PLEKHM1: variants seen among roughly 807,000 people sequenced by gnomAD.
PLEKHM1 encodes pleckstrin homology domain-containing family M member 1.
PLEKHM1 carries 28 observed loss-of-function variants against 94.3 expected under a neutral mutation model. The ratio of observed to expected loss-of-function variants is 0.30; its 90% CI spans 0.22 to 0.41. The LOEUF (loss-of-function observed/expected upper bound fraction) is 0.41, where lower values mean the gene tolerates loss of function less well. Ranked by LOEUF, PLEKHM1 falls within the 10% of genes least tolerant of loss-of-function variation. The pLI is 1.00. For synonymous variants in PLEKHM1, 424 were observed against 581.2 expected (o/e 0.73, Z 3.89); for missense variants, 907 against 1,358.6 (o/e 0.67, Z 5.22).
At chr17:45,456,304 G>T (rs1421703739) in intron 6 of PLEKHM1, 3 of 152,224 alleles carry the variant, frequency 2.0e-5, no homozygotes, top group Non-Finnish European at 4.4e-5. Context: ...ACACTGCTTT[G>T]CTGCCTGCTA....
rs746891348 is a variant in PLEKHM1, at chr17:45,437,983, A to G, written c.3060-14T>C. 1 of 1,604,010 alleles carries G rather than the reference A, an allele frequency of 6.2e-7. No individual in the cohort carries two copies. The highest frequency in any genetic ancestry group is 2.2e-5 in the East Asian group (1 of 44,844). ...CACTCGGCACACCTGGGGAGAGAGC[A>G]GTAGGCCTGCTGGTGCCGGCTGGGC... On this transcript the variant is annotated splice_polypyrimidine_tract_variant and intron_variant, in intron 11 of 11. Transcript: ENST00000430334. This position sits in a 1 kb window ranked among gnomAD's most constrained non-coding sequence, Gnocchi z 4.0.
At chr17:45,478,537 T>G (rs1168288109) in intron 2 of PLEKHM1, among the ~76,000 whole-genome samples, 2 of 152,074 alleles carry the variant, frequency 1.3e-5, no homozygotes, top group Non-Finnish European at 2.9e-5. Context: ...AGGGTGGGGC[T>G]TCCCACCTTT....
rs144496525 is a variant in PLEKHM1, at chr17:45,445,566, C to A, written c.2741G>T (p.Arg914Leu). The A allele has an allele frequency of 1.9e-6, 3 of 1,613,762 alleles. No homozygotes were observed. The African/African-American group carries it at 4.0e-5, about 22-fold the overall frequency. The stretch of plus-strand genomic sequence containing the variant: ...CCGTCTCCTCCCAATGAGGTGCATC[C>A]GCTCCACATGCTCGTACAGAGACGC... ...VNASLYEHVE[R>L]MHLIGRRREQ... Residue 914 changes from arginine (R) to leucine (L), a missense_variant, in exon 9 of 12, where the codon CGG (arginine) becomes CTG (leucine). Coordinates refer to ENST00000430334, the MANE Select transcript of PLEKHM1 (RefSeq NM_014798.3). The surrounding 1 kb of genome is among the most constrained non-coding windows in gnomAD (Gnocchi z 4.2).
chr17:45,480,597 C>G (rs1321713690), intron 2 of PLEKHM1, among the ~76,000 whole-genome samples: 1 of 152,206 alleles, frequency 6.6e-6, no homozygotes, highest in Admixed American at 6.5e-5. Context: ...AAGGGGAATA[C>G]GAAGTGAATG....
chr17:45,463,750 C>G (rs2051230584), intron 5 of PLEKHM1: 1 of 152,440 alleles, frequency 6.6e-6, no homozygotes, highest in African/African-American at 2.4e-5. Flanking sequence ...GGGTCCATGT[C>G]TGGCCAGCAC....
At chr17:45,479,773 A>T (rs922175134) in intron 2 of PLEKHM1, among the ~76,000 whole-genome samples, 2 of 152,234 alleles carry the variant, frequency 1.3e-5, no homozygotes, top group Non-Finnish European at 2.9e-5. Flanking sequence ...TGTTTTATTC[A>T]TCCTTGTGTC....
Position 45,437,090 on chromosome 17 carries a change from CCTT to C in PLEKHM1, c.*765_*767del, listed in dbSNP as rs1374697489. On this transcript the variant is annotated 3_prime_UTR_variant, in exon 12 of 12. Coordinates refer to ENST00000430334, the MANE Select transcript of PLEKHM1 (RefSeq NM_014798.3). The surrounding 1 kb of genome is among the most constrained non-coding windows in gnomAD (Gnocchi z 4.0). Reference sequence around the variant, plus strand: ...ACAGTGCTGGTTTCCAGTCATTTCTCCTTCTCCTAATGGGGCCAAGGCCCCAGG... The same window carrying C: ...ACAGTGCTGGTTTCCAGTCATTTCTCCTCCTAATGGGGCCAAGGCCCCAGG... 8.8e-6 allele frequency: 4 copies of C among 454,394 alleles called. No individual in the cohort carries two copies. Among genetic ancestry groups the C allele is most frequent in the Non-Finnish European group, 1.8e-5 (4 of 226,798 alleles). 28.1% of individuals were successfully genotyped at this position (454,394 alleles called of 1,614,324 possible).
intron 4 of PLEKHM1, among the ~76,000 whole-genome samples, chr17:45,471,134 G>A (rs2051497996): frequency 6.6e-6 from 1 of 151,948 alleles, no homozygotes; most frequent in African/African-American, 2.4e-5. Flanking sequence ...ATGGGCAAAC[G>A]ATCTGAACAG....
intron 5 of PLEKHM1, among the ~76,000 whole-genome samples, chr17:45,467,693 G>A (rs1445014294): frequency 4.6e-5 from 7 of 152,116 alleles, no homozygotes; most frequent in Middle Eastern, 3.2e-3. Context: ...CCCAGGAGGC[G>A]AAGGTGGCAG....
intron 11 of PLEKHM1, among the ~76,000 whole-genome samples, chr17:45,439,141 C>G (rs904790102): frequency 6.6e-6 from 1 of 152,228 alleles, no homozygotes; most frequent in African/African-American, 2.4e-5. Context: ...GGTGGTAACT[C>G]ATACAACCCT....
chr17:45,464,893 A>C (rs1377940633), intron 5 of PLEKHM1, among the ~76,000 whole-genome samples: 1 of 152,070 alleles, frequency 6.6e-6, no homozygotes, highest in East Asian at 1.9e-4. Context: ...TAAGTTTCAC[A>C]TTTGTCTCCT....
Position 45,468,210 on chromosome 17 carries a change from G to A in PLEKHM1, c.1307C>T (p.Pro436Leu), listed in dbSNP as rs368106092. The A allele has an allele frequency of 2.0e-5, 33 of 1,612,686 alleles. No homozygotes were observed. The highest frequency in any genetic ancestry group is 4.0e-5 in the African/African-American group (3 of 74,870). The change falls in exon 5 of 12, where the codon CCG becomes CTG. Residue 436 changes from proline (P) to leucine (L), a missense_variant and splice_region_variant. Transcript: ENST00000430334. ...CCCTGAACGGCTTGCACCACTCACC[G>A]GACTGGTGGGTGAGGAAACTACCAG... Reference protein sequence around the residue: ...LKLVVSSPTSPKNKSWISEDD... With the variant: ...LKLVVSSPTSLKNKSWISEDD...
chr17:45,453,728 C>G lies in PLEKHM1; in HGVS notation c.2124G>C (p.Glu708Asp). 1 of 1,613,956 alleles carries G rather than the reference C, an allele frequency of 6.2e-7. No homozygotes were observed. The change falls in exon 7 of 12, where the codon GAG becomes GAC. Residue 708 changes from glutamate (E) to aspartate (D), a missense_variant. Physicochemically the swap from Glu to Asp is conservative, Grantham distance 45. This residue lies in a region of PLEKHM1 where 477 missense variants were observed against 601.5 expected (regional missense o/e 0.79). Transcript: ENST00000430334. This position sits in a 1 kb window ranked among gnomAD's most constrained non-coding sequence, Gnocchi z 4.1. Reference protein sequence around the residue: ...WMPYIFSLSLEALKCFRIRNN... With the variant: ...WMPYIFSLSLDALKCFRIRNN... ...TCCTGATGCGGAAACATTTCAGAGC[C>G]TCCAAGGACAGAGAAAATATATAGG...
At position 45,437,766 on chromosome 17, in the gene PLEKHM1, C is replaced by T. The variant is rs1358339216; in HGVS notation, c.*92G>A. On this transcript the variant is annotated 3_prime_UTR_variant, in exon 12 of 12. Coordinates refer to ENST00000430334, the MANE Select transcript of PLEKHM1 (RefSeq NM_014798.3). This position sits in a 1 kb window ranked among gnomAD's most constrained non-coding sequence, Gnocchi z 4.0. ...TCCTGACAAGGGGACACAGCTGTGA[C>T]ACGGTGAGTATCCTGGGCTGATGGC... is the stretch of plus-strand genomic sequence containing the variant. 3 of 967,822 alleles carry T rather than the reference C, an allele frequency of 3.1e-6. No individual in the cohort carries two copies. Among genetic ancestry groups the T allele is most frequent in the South Asian group, 1.3e-5 (1 of 77,068 alleles). 60.0% of individuals were successfully genotyped at this position (967,822 alleles called of 1,614,324 possible).
chr17:45,440,856 A>G (rs2050426988), intron 9 of PLEKHM1: 1 of 169,846 alleles, frequency 5.9e-6, no homozygotes, highest in South Asian at 1.5e-4. Flanking sequence ...TGCTGGGGAC[A>G]GCAATGCACA....
Position 45,475,269 on chromosome 17 carries a change from G to A in PLEKHM1, c.754C>T (p.Leu252Phe), listed in dbSNP as rs138951599. ...RRNQKLTASS[L>F]SLDTASSSQL... Reference sequence around the variant, plus strand: ...GATGAACTGGCCGTGTCCAGGCTGAGGGAGGAGGCAGTCAGCTTCTGGTTC... The same window carrying A: ...GATGAACTGGCCGTGTCCAGGCTGAAGGAGGAGGCAGTCAGCTTCTGGTTC... The change falls in exon 4 of 12, where the codon CTC becomes TTC. Residue 252 changes from leucine to phenylalanine, a missense_variant. By Grantham distance (22) the Leu-to-Phe change is conservative. This residue lies in a region of PLEKHM1 where 477 missense variants were observed against 601.5 expected (regional missense o/e 0.79). Coordinates refer to ENST00000430334, the MANE Select transcript of PLEKHM1 (RefSeq NM_014798.3). 1.2e-6 allele frequency: 2 copies of A among 1,613,894 alleles called. No homozygotes were observed. The highest frequency in any genetic ancestry group is 1.7e-6 in the Non-Finnish European group (2 of 1,179,888).
At chr17:45,454,336 G>C in intron 6 of PLEKHM1, 64 bp from the exon 7 acceptor site, 1 of 1,429,684 alleles carries the variant, frequency 7.0e-7, no homozygotes, top group Non-Finnish European at 9.6e-7. Context: ...GCCCAAGGCA[G>C]CCTCTGCTGC....
At position 45,486,149 on chromosome 17, in the gene PLEKHM1, G is replaced by A. The variant is rs556641761; in HGVS notation, c.-41-3624C>T. ...GGAGAATGGCGTGAACCTGGGAGGC[G>A]GAGCTTGCAGTGAGCCGAGATCCCG... On this transcript the variant is annotated intron_variant, in intron 1 of 11. Transcript: ENST00000430334. Among the ~76,000 whole-genome samples the A allele has an allele frequency of 7.0e-3, 1,037 of 148,904 alleles. 6 individuals carry two copies. The highest frequency in any genetic ancestry group is 0.021 in the South Asian group (102 of 4,750).
intron 7 of PLEKHM1, among the ~76,000 whole-genome samples, chr17:45,452,422 AAAACAAACAAAC>A (rs923038347): frequency 6.9e-6 from 1 of 145,096 alleles, no homozygotes; most frequent in African/African-American, 2.6e-5. Context: ...CATCTCTACT[AAAACAAACAAAC>A]AAACAAACAA....
Sources: allele counts gnomAD v4.1 joint callset (sites outside exome capture counted in the v4.1 genomes callset), GRCh38; gene constraint gnomAD v4.1.1; regional missense constraint gnomAD v4.1.1; non-coding constraint Gnocchi (gnomAD v3.1); transcripts MANE v1.5; gene names NCBI Gene and HGNC (gene_info 2026-07-23, HGNC 2026-07-21).